CALN1: variants seen among roughly 807,000 people sequenced by gnomAD.
The protein encoded by CALN1 is calneuron 1.
In CALN1, 17 loss-of-function variants were observed where a neutral mutation model predicts 30.6. The observed-to-expected ratio is 0.56, with a 90% CI of 0.38 to 0.83. The LOEUF (loss-of-function observed/expected upper bound fraction) is 0.83. Among genes scored for constraint, CALN1 ranks in the 40% least tolerant of loss-of-function variants. The pLI is 0.00. For missense variants in CALN1, 291 were observed against 354.9 expected (o/e 0.82, Z 1.45); for synonymous variants, 156 against 131.4 (o/e 1.19, Z -1.28).
chr7:72,182,127 A>T (rs375928773), intron 3 of CALN1, among the ~76,000 whole-genome samples: 1 of 152,212 alleles, frequency 6.6e-6, no homozygotes, highest in Admixed American at 6.5e-5. Context: ...ATGAGAAGAG[A>T]TTCAAGGTGA....
intron 4 of CALN1, among the ~76,000 whole-genome samples, chr7:72,093,319 A>G (rs976081163): frequency 2.0e-5 from 3 of 152,156 alleles, no homozygotes; most frequent in South Asian, 4.1e-4. Flanking sequence ...GCAATTTCCT[A>G]TATTTCACAT....
At chr7:72,111,478 G>C (rs958291540) in intron 3 of CALN1, among the ~76,000 whole-genome samples, 2 of 151,550 alleles carry the variant, frequency 1.3e-5, no homozygotes, top group Non-Finnish European at 2.9e-5. Flanking sequence ...TTTTTTTTCT[G>C]AGATAGTCTT....
intron 5 of CALN1, among the ~76,000 whole-genome samples, chr7:71,898,014 G>GAGA (rs1562882185): frequency 8.4e-4 from 67 of 79,638 alleles, no homozygotes; most frequent in African/African-American, 4.0e-3. Context: ...GGAGGGAGGG[G>GAGA]GGGGGAGAGA....
At chr7:72,344,978 T>A (rs1802560598) in intron 2 of CALN1, among the ~76,000 whole-genome samples, 1 of 147,226 alleles carries the variant, frequency 6.8e-6, no homozygotes, top group Non-Finnish European at 1.5e-5. Context: ...TATATATAAA[T>A]ATTTATAAAA....
chr7:72,271,272 G>A (rs959123414), intron 3 of CALN1, among the ~76,000 whole-genome samples: 11 of 152,064 alleles, frequency 7.2e-5, no homozygotes, highest in African/African-American at 2.4e-4. Context: ...TCATCAGCAC[G>A]TAGATGCTCG....
intron 4 of CALN1, among the ~76,000 whole-genome samples, chr7:72,056,814 C>T (rs844762): frequency 0.26 from 39,945 of 151,502 alleles, 5,500 homozygotes; most frequent in Middle Eastern, 0.35. Flanking sequence ...AAAAGACAAA[C>T]ACAAATATTA....
At chr7:72,222,528 C>G (rs916257225) in intron 3 of CALN1, among the ~76,000 whole-genome samples, 2 of 152,126 alleles carry the variant, frequency 1.3e-5, no homozygotes, top group Non-Finnish European at 1.5e-5. Context: ...GAAGTTTGCC[C>G]CCATGATCCA....
At chr7:71,840,058 G>C (rs183033430) in intron 5 of CALN1, among the ~76,000 whole-genome samples, 5 of 152,300 alleles carry the variant, frequency 3.3e-5, no homozygotes, top group African/African-American at 1.2e-4. Context: ...AACCAACCCT[G>C]AAGTTTTCCC....
At chr7:72,385,051 A>T (rs1805131322) in intron 2 of CALN1, among the ~76,000 whole-genome samples, 1 of 152,232 alleles carries the variant, frequency 6.6e-6, no homozygotes, top group Non-Finnish European at 1.5e-5. Flanking sequence ...AAACATATGA[A>T]AAGATGCTCA....
intron 4 of CALN1, among the ~76,000 whole-genome samples, chr7:72,027,726 A>AACAC (rs111705413): frequency 1.3e-3 from 183 of 143,310 alleles, no homozygotes; most frequent in East Asian, 3.0e-3. Flanking sequence ...CAAACAAACA[A>AACAC]ACACACACAC....
At chr7:72,431,208 G>A (rs1167044286) in intron 1 of CALN1, among the ~76,000 whole-genome samples, 2 of 152,006 alleles carry the variant, frequency 1.3e-5, no homozygotes, top group African/African-American at 4.8e-5. Flanking sequence ...GGGATTACGG[G>A]CATAAGCCAC....
chr7:72,095,205 T>G (rs1436456670), intron 4 of CALN1, among the ~76,000 whole-genome samples: 1 of 152,196 alleles, frequency 6.6e-6, no homozygotes, highest in African/African-American at 2.4e-5. Context: ...AGAATCATAA[T>G]AGTTAGCACC....
At chr7:72,079,059 G>C (rs1223158192) in intron 4 of CALN1, among the ~76,000 whole-genome samples, 3 of 152,198 alleles carry the variant, frequency 2.0e-5, no homozygotes, top group Non-Finnish European at 2.9e-5. Flanking sequence ...TTCGCATTTT[G>C]AAATGAGGTC....
At chr7:72,012,459 C>T (rs747836233) in intron 5 of CALN1, among the ~76,000 whole-genome samples, 5 of 152,146 alleles carry the variant, frequency 3.3e-5, no homozygotes, top group Non-Finnish European at 7.4e-5. Context: ...GTGCAGTGAG[C>T]CGAGGTCGTG....
chr7:72,031,784 C>T (rs1485548753), intron 4 of CALN1, among the ~76,000 whole-genome samples: 2 of 145,698 alleles, frequency 1.4e-5, no homozygotes, highest in East Asian at 4.1e-4. Flanking sequence ...CTCTGTCATC[C>T]AGGCTGAAGT....
intron 5 of CALN1, among the ~76,000 whole-genome samples, chr7:72,016,430 TTTA>T (rs1011074242): frequency 9.2e-5 from 14 of 151,510 alleles, no homozygotes; most frequent in African/African-American, 2.7e-4. Flanking sequence ...TTTTATTTAT[TTTA>T]TTATTATTAT....
chr7:72,372,419 G>T (rs1404955327), intron 2 of CALN1, among the ~76,000 whole-genome samples: 1 of 152,110 alleles, frequency 6.6e-6, no homozygotes, highest in Non-Finnish European at 1.5e-5. Context: ...AACTAAAGCT[G>T]CAACTTTCTA....
chr7:72,410,174 T>C (rs566794915), intron 1 of CALN1, among the ~76,000 whole-genome samples: 1 of 152,248 alleles, frequency 6.6e-6, no homozygotes, highest in South Asian at 2.1e-4. Context: ...AGCTAAGCCC[T>C]GCATTTGCTG....
At chr7:72,148,504 C>T (rs1786957946) in intron 3 of CALN1, among the ~76,000 whole-genome samples, 1 of 152,002 alleles carries the variant, frequency 6.6e-6, no homozygotes, top group Non-Finnish European at 1.5e-5. Context: ...AAGGTTGAGG[C>T]AGGAAGATTG....
Sources: allele counts gnomAD v4.1 joint callset (sites outside exome capture counted in the v4.1 genomes callset), GRCh38; gene constraint gnomAD v4.1.1; transcripts MANE v1.5; gene names NCBI Gene and HGNC (gene_info 2026-07-23, HGNC 2026-07-21).